QRICH1: variants seen among roughly 807,000 people sequenced by gnomAD.
The protein encoded by QRICH1 is glutamine rich 1.
QRICH1 carries 16 observed loss-of-function variants against 87.1 expected under a neutral mutation model. The ratio of observed to expected loss-of-function variants is 0.18; its 90% CI spans 0.12 to 0.28. The LOEUF (loss-of-function observed/expected upper bound fraction) is 0.28. Among genes scored for constraint, QRICH1 ranks in the 10% least tolerant of loss-of-function variants. The pLI, the probability that QRICH1 is intolerant of heterozygous loss-of-function variation, is 1.00. For missense variants in QRICH1, 647 were observed against 951.7 expected (o/e 0.68, Z 4.21); for synonymous variants, 367 against 368.4 (o/e 1.00, Z 0.05).
chr3:49,048,800 C>CA (rs2093353605), intron 3 of QRICH1, among the ~76,000 whole-genome samples: 1 of 138,584 alleles, frequency 7.2e-6, no homozygotes, highest in Non-Finnish European at 1.6e-5. Context: ...AAAAAAAAAA[C>CA]CAAAAAAAAA....
Position 49,046,556 on chromosome 3 carries a change from C to T in QRICH1, c.1540G>A (p.Glu514Lys). The change falls in exon 5 of 10, where the codon GAA becomes AAA. Residue 514 changes from glutamate (E) to lysine (K), a missense_variant. By Grantham distance (56) the Glu-to-Lys change is moderately conservative (BLOSUM62 1). Coordinates refer to ENST00000395443, the MANE Select transcript of QRICH1 (RefSeq NM_198880.3). ...IGRRQLLRFQEDLISSAVAEL... is the reference protein window; with the variant it reads ...IGRRQLLRFQKDLISSAVAEL... ...GCCACAGCAGAGGAGATGAGATCTT[C>T]CTGGAATCGCAGCAGTTGGCGCCCT... 6.2e-7 allele frequency: 1 copy of T among 1,613,230 alleles called. No homozygotes were observed. The highest frequency in any genetic ancestry group is 2.2e-5 in the East Asian group (1 of 44,872).
Position 49,057,761 on chromosome 3 carries a change from C to A in QRICH1, c.439G>T (p.Ala147Ser). 1 of 1,614,148 alleles carries A rather than the reference C, an allele frequency of 6.2e-7. No homozygotes were observed. The highest frequency in any genetic ancestry group is 8.5e-7 in the Non-Finnish European group (1 of 1,180,016). The change falls in exon 3 of 10, where the codon GCA becomes TCA. Residue 147 changes from alanine to serine, a missense_variant. Transcript: ENST00000395443. The surrounding 1 kb of genome is among the most constrained non-coding windows in gnomAD (Gnocchi z 5.4). Reference sequence around the variant, plus strand: ...GACGGGGTCTGAATGGAGGGGGCTGCTGACTGTGGTGCCTGGCCTTGGATC... The same window carrying A: ...GACGGGGTCTGAATGGAGGGGGCTGATGACTGTGGTGCCTGGCCTTGGATC... ...VQIQGQAPQS[A>S]APSIQTPSLQ...
chr3:49,092,694 C>A (rs753561752), intron 1 of QRICH1, among the ~76,000 whole-genome samples: 2 of 149,940 alleles, frequency 1.3e-5, no homozygotes, highest in African/African-American at 2.5e-5. Flanking sequence ...TTCTCTAGAA[C>A]AAACCTAGAA....
In QRICH1 at chr3:49,078,386, C is replaced by CTTTTTTTTTTTTTTTTTTT; in HGVS notation, c.-21-1367_-21-1349dup. On this transcript the variant is annotated intron_variant, in intron 1 of 9. Coordinates refer to ENST00000395443, the MANE Select transcript of QRICH1 (RefSeq NM_198880.3). Reference sequence around the variant, plus strand: ...TGTGGAAAACGAAGAATTATGGTTCCTTTTTTTTTTTTTTTTTTTTTTTTT... The same window carrying CTTTTTTTTTTTTTTTTTTT: ...TGTGGAAAACGAAGAATTATGGTTCCTTTTTTTTTTTTTTTTTTTTTTTTTTTTTTTTTTTTTTTTTTTT... Among the ~76,000 whole-genome samples the CTTTTTTTTTTTTTTTTTTT allele has an allele frequency of 2.9e-5, 2 of 69,826 alleles. 1 individual carries two copies. The highest frequency in any genetic ancestry group is 5.1e-5 in the Non-Finnish European group (2 of 39,286). 45.8% of individuals were successfully genotyped at this position (69,826 alleles called of 152,430 possible).
chr3:49,062,244 A>C (rs2093439285), intron 2 of QRICH1, among the ~76,000 whole-genome samples: 1 of 151,996 alleles, frequency 6.6e-6, no homozygotes, highest in Non-Finnish European at 1.5e-5. Context: ...CTGACGCAGC[A>C]AAATTGCCTG....
At chr3:49,045,866 T>C (rs2093336112) in intron 5 of QRICH1, among the ~76,000 whole-genome samples, 1 of 152,072 alleles carries the variant, frequency 6.6e-6, no homozygotes, top group Non-Finnish European at 1.5e-5. Context: ...AGTGCTGGGA[T>C]TACAGGTGTG....
At chr3:49,035,660 CAAA>C (rs1031584016) in intron 6 of QRICH1, among the ~76,000 whole-genome samples, 28 of 146,556 alleles carry the variant, frequency 1.9e-4, no homozygotes, top group Non-Finnish European at 3.2e-4. Flanking sequence ...AAAAAAAAAA[CAAA>C]AAAAAACAGC....
At chr3:49,041,993 G>A (rs1328764673) in intron 6 of QRICH1, among the ~76,000 whole-genome samples, 7 of 151,488 alleles carry the variant, frequency 4.6e-5, no homozygotes, top group African/African-American at 9.7e-5. Flanking sequence ...GGCTGGTGTC[G>A]GACTCCTGGT....
chr3:49,085,431 T>C (rs1489372408), intron 1 of QRICH1, among the ~76,000 whole-genome samples: 1 of 151,784 alleles, frequency 6.6e-6, no homozygotes, highest in Admixed American at 6.6e-5. Context: ...TTCTGGTTGA[T>C]CATAGTACGA....
rs1243186369 is a variant in QRICH1 at position 49,051,595 on chromosome 3, C to A, written c.1339-4349G>T. ...AGAACCCCCCCTGCGCCCCCCCCCC[C>A]CTCCGCTTAATATACCTAGTGGGTA... is the stretch of plus-strand genomic sequence containing the variant. On this transcript the variant is annotated intron_variant, in intron 3 of 9. Transcript: ENST00000395443. Among the ~76,000 whole-genome samples, 6 of 138,850 alleles carry A rather than the reference C, an allele frequency of 4.3e-5. No homozygotes were observed. In the East Asian group the frequency reaches 8.7e-4, roughly 20 times the overall value. 91.1% of individuals were successfully genotyped at this position (138,850 alleles called of 152,430 possible).
chr3:49,050,706 CAACA>C (rs752340022), intron 3 of QRICH1, among the ~76,000 whole-genome samples: 9 of 152,078 alleles, frequency 5.9e-5, no homozygotes, highest in Non-Finnish European at 1.3e-4. Context: ...ACAACAACAA[CAACA>C]ACAACAACAA....
Position 49,045,194 on chromosome 3 carries a change from A to G in QRICH1, c.1672-690T>C, listed in dbSNP as rs557996625. 2.6e-5 allele frequency among the ~76,000 whole-genome samples: 4 copies of G among 152,286 alleles called. No individual in the cohort carries two copies. In the East Asian group the frequency reaches 7.7e-4, roughly 29 times the overall value. On this transcript the variant is annotated intron_variant, in intron 5 of 9. Transcript: ENST00000395443. ...TATTATTCTAGCTAGACTCCTTCAA[A>G]TAAGTAGTTAGTGCAGGGAACAATG... is the stretch of plus-strand genomic sequence containing the variant.
intron 3 of QRICH1, among the ~76,000 whole-genome samples, chr3:49,055,055 T>C: frequency 6.6e-6 from 1 of 152,204 alleles, no homozygotes; most frequent in Middle Eastern, 3.2e-3. Context: ...TCCTGAGTTC[T>C]TACTTTTCAC....
At chr3:49,070,170 G>A (rs2093492830) in intron 2 of QRICH1, among the ~76,000 whole-genome samples, 1 of 151,830 alleles carries the variant, frequency 6.6e-6, no homozygotes. Flanking sequence ...CCGAATAGCT[G>A]GGACTATAGG....
intron 5 of QRICH1, 67 bp from the exon 6 acceptor site, chr3:49,044,571 T>C: frequency 8.5e-7 from 1 of 1,170,546 alleles, no homozygotes; most frequent in Non-Finnish European, 1.2e-6. Context: ...GGGAAATAAA[T>C]ATATTTTTCT....
chr3:49,082,571 A>G (rs2042081960), intron 1 of QRICH1, among the ~76,000 whole-genome samples: 1 of 152,038 alleles, frequency 6.6e-6, no homozygotes, highest in African/African-American at 2.4e-5. Flanking sequence ...AAACCATCAA[A>G]ATCCATTCTT....
At chr3:49,066,557 C>T (rs1239993855) in intron 2 of QRICH1, among the ~76,000 whole-genome samples, 1 of 151,434 alleles carries the variant, frequency 6.6e-6, no homozygotes, top group African/African-American at 2.4e-5. Context: ...CTCCTCCTCC[C>T]GGGTTCAAGC....
intron 1 of QRICH1, among the ~76,000 whole-genome samples, chr3:49,089,337 G>A (rs2042229296): frequency 6.6e-6 from 1 of 152,126 alleles, no homozygotes; most frequent in African/African-American, 2.4e-5. Context: ...TGGGATTACA[G>A]GCATGAGCCA....
At chr3:49,069,430 C>T (rs1390660976) in intron 2 of QRICH1, among the ~76,000 whole-genome samples, 3 of 151,560 alleles carry the variant, frequency 2.0e-5, no homozygotes, top group African/African-American at 7.3e-5. Flanking sequence ...AAAAAAAGGA[C>T]GTTTCCTCCA....
Sources: gnomAD v4.1 joint callset for allele counts (sites outside exome capture counted in the v4.1 genomes callset) on GRCh38, gnomAD v4.1.1 for gene constraint, Gnocchi (gnomAD v3.1) non-coding constraint, MANE v1.5 for transcripts, NCBI Gene and HGNC (gene_info 2026-07-23, HGNC 2026-07-21) for gene names.